ARHGAP42: variants seen among roughly 807,000 people sequenced by gnomAD.
ARHGAP42 encodes the protein Rho GTPase activating protein 42, also known as rho GTPase-activating protein 42.
ARHGAP42 carries 63 observed loss-of-function variants against 125.0 expected under a neutral mutation model. The observed-to-expected ratio is 0.50, with a 90% CI of 0.41 to 0.62. The LOEUF is 0.62. ARHGAP42 is among the 20% of genes least tolerant of loss of function. The probability of loss-of-function intolerance (pLI) is 0.00; values close to 1 mark genes in which losing one functional copy is unlikely to be tolerated. For missense variants in ARHGAP42, 766 were observed against 1,024.2 expected, an observed-to-expected ratio of 0.75 and a Z score of 3.44; for synonymous variants, 339 against 351.0, an observed-to-expected ratio of 0.97 and a Z score of 0.38.
intron 3 of ARHGAP42, among the ~76,000 whole-genome samples, chr11:100,821,349 G>A (rs1012329802): frequency 6.6e-6 from 1 of 152,134 alleles, no homozygotes; most frequent in African/African-American, 2.4e-5. Context: ...TGTGGCTAGA[G>A]TGAGGCTTCT....
intron 1 of ARHGAP42, among the ~76,000 whole-genome samples, chr11:100,746,840 AAG>A (rs1459925670): frequency 6.6e-6 from 1 of 152,200 alleles, no homozygotes; most frequent in East Asian, 1.9e-4. Flanking sequence ...AGGAAAGGAA[AAG>A]AGAGGTAGAC....
At chr11:100,913,819 G>A (rs1644117535) in intron 5 of ARHGAP42, among the ~76,000 whole-genome samples, 1 of 152,070 alleles carries the variant, frequency 6.6e-6, no homozygotes, top group South Asian at 2.1e-4. Context: ...AAAGGGACAG[G>A]ACCTATTAAA....
intron 3 of ARHGAP42, among the ~76,000 whole-genome samples, chr11:100,843,967 C>T (rs894153054): frequency 1.7e-4 from 26 of 151,806 alleles, no homozygotes; most frequent in African/African-American, 6.3e-4. Flanking sequence ...CATATGGAAC[C>T]AAAAAAATAG....
intron 4 of ARHGAP42, among the ~76,000 whole-genome samples, chr11:100,868,055 A>AG (rs1772130454): frequency 6.6e-6 from 1 of 152,236 alleles, no homozygotes; most frequent in Non-Finnish European, 1.5e-5. Context: ...GTGGTGTCAA[A>AG]GATCACTGAT....
chr11:100,798,526 T>C (rs1481419674), intron 3 of ARHGAP42, among the ~76,000 whole-genome samples: 1 of 152,216 alleles, frequency 6.6e-6, no homozygotes, highest in African/African-American at 2.4e-5. Context: ...CAGGAAATAC[T>C]TTTAAATTAA....
chr11:100,710,004 T>C (rs1861535078), intron 1 of ARHGAP42, among the ~76,000 whole-genome samples: 1 of 152,162 alleles, frequency 6.6e-6, no homozygotes, highest in South Asian at 2.1e-4. Context: ...CACTTGGGAA[T>C]TCAGCGGGGT....
At chr11:100,837,066 A>G (rs532225202) in intron 3 of ARHGAP42, among the ~76,000 whole-genome samples, 4 of 152,248 alleles carry the variant, frequency 2.6e-5, no homozygotes, top group African/African-American at 9.6e-5. Flanking sequence ...TTCTTTTGAA[A>G]TAATTTTCAT....
intron 3 of ARHGAP42, among the ~76,000 whole-genome samples, chr11:100,846,166 A>G (rs2096389299): frequency 6.6e-6 from 1 of 152,162 alleles, no homozygotes; most frequent in Non-Finnish European, 1.5e-5. Context: ...TTGTTTTTGT[A>G]TGTGATAAAG....
At chr11:100,761,328 AAG>A (rs936018249) in intron 1 of ARHGAP42, among the ~76,000 whole-genome samples, 1 of 152,156 alleles carries the variant, frequency 6.6e-6, no homozygotes, top group African/African-American at 2.4e-5. Context: ...GAGAAATCTC[AAG>A]AGAGGTGGCA....
intron 6 of ARHGAP42, among the ~76,000 whole-genome samples, chr11:100,926,317 A>G (rs764349827): frequency 1.3e-5 from 2 of 152,232 alleles, no homozygotes; most frequent in Non-Finnish European, 2.9e-5. Context: ...TTGGTTGCCT[A>G]AGGCCACAAA....
At chr11:100,923,462 G>A (rs1471754383) in intron 6 of ARHGAP42, among the ~76,000 whole-genome samples, 1 of 152,062 alleles carries the variant, frequency 6.6e-6, no homozygotes, top group African/African-American at 2.4e-5. Flanking sequence ...GGAGTCACTT[G>A]TTTCCCTAAG....
intron 1 of ARHGAP42, among the ~76,000 whole-genome samples, chr11:100,762,376 T>G (rs1862725638): frequency 6.6e-6 from 1 of 152,188 alleles, no homozygotes; most frequent in Non-Finnish European, 1.5e-5. Flanking sequence ...GCTCCACTGT[T>G]CTCTGGTAAT....
At chr11:100,834,283 C>A (rs1864729812) in intron 3 of ARHGAP42, among the ~76,000 whole-genome samples, 1 of 152,122 alleles carries the variant, frequency 6.6e-6, no homozygotes, top group Non-Finnish European at 1.5e-5. Context: ...CATATAGCTA[C>A]TGTATTATGC....
intron 1 of ARHGAP42, among the ~76,000 whole-genome samples, chr11:100,705,083 G>A (rs1861463445): frequency 6.6e-6 from 1 of 151,612 alleles, no homozygotes; most frequent in South Asian, 2.1e-4. Context: ...AAGTCCTTAG[G>A]TTATGGCTTG....
intron 3 of ARHGAP42, among the ~76,000 whole-genome samples, chr11:100,798,678 C>G (rs1863780665): frequency 6.6e-6 from 1 of 152,008 alleles, no homozygotes; most frequent in Admixed American, 6.6e-5. Flanking sequence ...ATATATTGAA[C>G]TTATGTACTT....
chr11:100,793,955 C>T (rs139450271), intron 2 of ARHGAP42, among the ~76,000 whole-genome samples: 31 of 151,572 alleles, frequency 2.0e-4, no homozygotes, highest in Middle Eastern at 6.8e-3. Context: ...GTGTGGTACA[C>T]GCCTGTAGTC....
At chr11:100,765,388 G>C (rs1418360533) in intron 1 of ARHGAP42, among the ~76,000 whole-genome samples, 1 of 152,070 alleles carries the variant, frequency 6.6e-6, no homozygotes, top group Non-Finnish European at 1.5e-5. Flanking sequence ...GGGGATTCTG[G>C]AGCTGGCGCC....
At chr11:100,904,680 A>G (rs1056891177) in intron 4 of ARHGAP42, among the ~76,000 whole-genome samples, 1 of 151,756 alleles carries the variant, frequency 6.6e-6, no homozygotes, top group South Asian at 2.1e-4. Flanking sequence ...GTGAAGTGCT[A>G]TGGTTTTAAT....
intron 3 of ARHGAP42, among the ~76,000 whole-genome samples, chr11:100,848,153 T>C (rs1404749118): frequency 6.6e-6 from 1 of 152,210 alleles, no homozygotes; most frequent in Non-Finnish European, 1.5e-5. Context: ...GCTTTGTATC[T>C]TTATGTTAGT....
Sources: gnomAD v4.1 joint callset for allele counts (sites outside exome capture counted in the v4.1 genomes callset) on GRCh38, gnomAD v4.1.1 for gene constraint, MANE v1.5 for transcripts, NCBI Gene and HGNC (gene_info 2026-07-23, HGNC 2026-07-21) for gene names.